ITPR2: variants seen among roughly 807,000 people sequenced by gnomAD.
The protein encoded by ITPR2 is inositol 1,4,5-trisphosphate-gated calcium channel ITPR2.
ITPR2 carries 207 observed loss-of-function variants against 317.1 expected under a neutral mutation model. The ratio of observed to expected loss-of-function variants is 0.65; its 90% CI spans 0.58 to 0.73. The LOEUF is 0.73. Ranked by LOEUF, ITPR2 falls within the 30% of genes least tolerant of loss-of-function variation. The pLI is 0.00. For missense variants in ITPR2, 2,613 were observed against 3,284.0 expected (o/e 0.80, Z 4.99); for synonymous variants, 1,156 against 1,149.1 (o/e 1.01, Z -0.12).
At chr12:26,706,494 T>G (rs1388977975) in intron 9 of ITPR2, among the ~76,000 whole-genome samples, 1 of 152,110 alleles carries the variant, frequency 6.6e-6, no homozygotes, top group African/African-American at 2.4e-5. Context: ...CCTCCTTCCT[T>G]GTGTACAAGC....
intron 38 of ITPR2, among the ~76,000 whole-genome samples, chr12:26,494,771 GAAAAAAAAAAA>G (rs71069245): frequency 1.8e-4 from 9 of 50,358 alleles, no homozygotes; most frequent in Admixed American, 1.5e-3. Flanking sequence ...CTCTGCCTCA[GAAAAAAAAAAA>G]AAAAAAAAAA....
chr12:26,678,834 T>C (rs1357305986), intron 13 of ITPR2, among the ~76,000 whole-genome samples: 1 of 152,150 alleles, frequency 6.6e-6, no homozygotes, highest in Non-Finnish European at 1.5e-5. Context: ...GTTAAGATAA[T>C]CTCCAGCTGT....
intron 15 of ITPR2, among the ~76,000 whole-genome samples, chr12:26,660,252 G>A (rs1319730061): frequency 2.0e-5 from 3 of 152,164 alleles, no homozygotes; most frequent in African/African-American, 7.2e-5. Context: ...CATGGTAAAG[G>A]GCAAAGAGAT....
intron 34 of ITPR2, among the ~76,000 whole-genome samples, chr12:26,562,436 C>T (rs183623515): frequency 2.4e-4 from 36 of 152,226 alleles, no homozygotes; most frequent in African/African-American, 7.0e-4. Flanking sequence ...GCACTCTTCC[C>T]GAGATCTGCT....
intron 21 of ITPR2, chr12:26,649,266 T>C (rs1196122662): frequency 6.6e-6 from 1 of 152,044 alleles, no homozygotes; most frequent in Non-Finnish European, 1.5e-5. Flanking sequence ...GAAAGTTGGT[T>C]CTAGACATCA....
At chr12:26,553,710 G>A (rs969649451) in intron 36 of ITPR2, among the ~76,000 whole-genome samples, 7 of 151,776 alleles carry the variant, frequency 4.6e-5, no homozygotes, top group Non-Finnish European at 7.4e-5. Context: ...GCGTGAACCA[G>A]GGAGGCAGAG....
In ITPR2 at chr12:26,617,744, G is replaced by A. The variant is rs1236850297; in HGVS notation, c.3462+3379C>T. Among the ~76,000 whole-genome samples the A allele has an allele frequency of 4.0e-5, 5 of 125,544 alleles. No homozygotes were observed. In the East Asian group the frequency reaches 1.2e-3, roughly 31 times the overall value. The allele number at this position is 125,544 out of a possible 152,430, so 82.4% of individuals were successfully genotyped here. A position where few individuals can be genotyped will look rare whatever the true frequency, so the allele number is the denominator to read the frequency against. ...GGAGGAAGGGAGGGAGGGAGGGAAGGAAGGACAGAAGGAGGGAGGGAGGGA... is the reference window on the plus strand; with the variant it reads ...GGAGGAAGGGAGGGAGGGAGGGAAGAAAGGACAGAAGGAGGGAGGGAGGGA... On this transcript the variant is annotated intron_variant, in intron 26 of 56. Transcript: ENST00000381340.
Position 26,658,052 on chromosome 12 carries a change from A to ATTT in ITPR2, c.1964_1965insAAA (p.Phe655delinsLeuAsn), listed in dbSNP as rs777893260. The ATTT allele has an allele frequency of 1.9e-6, 3 of 1,613,262 alleles. No homozygotes were observed. The Admixed American group carries it at 5.0e-5, about 27-fold the overall frequency. ...TGTCTGCATTGCCTGGACTCAACAT[A>ATTT]AATTTACAGATGAGTTCTTGAGTTA... On this transcript the variant is annotated protein_altering_variant, in exon 17 of 57. Transcript: ENST00000381340.
At chr12:26,357,627 T>TG (rs79632509) in intron 55 of ITPR2, among the ~76,000 whole-genome samples, 28,327 of 152,310 alleles carry the variant, frequency 0.19, 3,511 homozygotes, top group East Asian at 0.37. Flanking sequence ...TGCTGTAGCC[T>TG]GGGGACTCCC....
intron 2 of ITPR2, among the ~76,000 whole-genome samples, chr12:26,784,648 A>AT (rs1950178172): frequency 6.6e-6 from 1 of 150,846 alleles, no homozygotes; most frequent in African/African-American, 2.4e-5. Flanking sequence ...TCGGTGCTCA[A>AT]TGGTGCCCAG....
intron 30 of ITPR2, among the ~76,000 whole-genome samples, chr12:26,597,874 G>A (rs1028769971): frequency 2.0e-5 from 3 of 152,002 alleles, no homozygotes; most frequent in Admixed American, 6.6e-5. Context: ...GGGTAACTAA[G>A]GACATACAAT....
At chr12:26,639,720 G>A (rs1010056199) in intron 21 of ITPR2, among the ~76,000 whole-genome samples, 2 of 149,622 alleles carry the variant, frequency 1.3e-5, no homozygotes, top group African/African-American at 5.0e-5. Flanking sequence ...AATATGCGGT[G>A]TTTGGTTTTT....
intron 54 of ITPR2, among the ~76,000 whole-genome samples, chr12:26,388,957 A>G (rs1187516564): frequency 2.0e-5 from 3 of 152,148 alleles, no homozygotes; most frequent in African/African-American, 7.2e-5. Context: ...CCTGGACGTC[A>G]TTCTTGAATC....
At chr12:26,694,686 A>C (rs1948303374) in intron 10 of ITPR2, among the ~76,000 whole-genome samples, 1 of 152,184 alleles carries the variant, frequency 6.6e-6, no homozygotes, top group Non-Finnish European at 1.5e-5. Context: ...ATTTTCCTAA[A>C]TCATACAAAA....
chr12:26,656,893 C>T (rs1947381561), intron 18 of ITPR2, among the ~76,000 whole-genome samples: 2 of 152,178 alleles, frequency 1.3e-5, no homozygotes, highest in Admixed American at 1.3e-4. Context: ...CTCTCTCCAC[C>T]TTCGCCAGCC....
At chr12:26,669,914 A>G (rs1384304311) in intron 13 of ITPR2, among the ~76,000 whole-genome samples, 3 of 152,246 alleles carry the variant, frequency 2.0e-5, no homozygotes, top group Admixed American at 6.5e-5. Flanking sequence ...CATGGCTGGG[A>G]GGGTCCTACG....
chr12:26,536,000 G>A (rs1222345373), intron 37 of ITPR2, among the ~76,000 whole-genome samples: 1 of 152,230 alleles, frequency 6.6e-6, no homozygotes, highest in Non-Finnish European at 1.5e-5. Context: ...ACGATGAGAA[G>A]CAGCATACTT....
At chr12:26,555,573 T>G (rs1412171618) in intron 36 of ITPR2, among the ~76,000 whole-genome samples, 1 of 152,240 alleles carries the variant, frequency 6.6e-6, no homozygotes, top group African/African-American at 2.4e-5. Context: ...TGAGAATTTT[T>G]CACTTATCAT....
intron 45 of ITPR2, among the ~76,000 whole-genome samples, chr12:26,461,535 T>C (rs1942018468): frequency 6.6e-6 from 1 of 151,318 alleles, no homozygotes; most frequent in South Asian, 2.1e-4. Flanking sequence ...ATTTACTATG[T>C]AGTACTTTGC....
Sources: allele counts gnomAD v4.1 joint callset (sites outside exome capture counted in the v4.1 genomes callset), GRCh38; gene constraint gnomAD v4.1.1; transcripts MANE v1.5; gene names NCBI Gene and HGNC (gene_info 2026-07-23, HGNC 2026-07-21).